The following KCNIP1 variants were observed in gnomAD, a reference collection of about 807,000 sequenced individuals.
KCNIP1 encodes A-type potassium channel modulatory protein KCNIP1.
In KCNIP1, 18 loss-of-function variants were observed where a neutral mutation model predicts 33.0. The observed-to-expected ratio is 0.55, with a 90% CI of 0.38 to 0.81. The LOEUF (loss-of-function observed/expected upper bound fraction) is 0.81. Ranked by LOEUF, KCNIP1 falls within the 30% of genes least tolerant of loss-of-function variation. The probability of loss-of-function intolerance (pLI) is 0.00; values close to 1 mark genes in which losing one functional copy is unlikely to be tolerated. For synonymous variants in KCNIP1, 93 were observed against 98.3 expected (o/e 0.95, Z 0.32); for missense variants, 238 against 271.6 (o/e 0.88, Z 0.87).
At chr5:170,474,054 T>C (rs1473428606) in intron 1 of KCNIP1, among the ~76,000 whole-genome samples, 1 of 152,228 alleles carries the variant, frequency 6.6e-6, no homozygotes, top group Non-Finnish European at 1.5e-5. Flanking sequence ...TTTTTCAAGC[T>C]AGTTATTATG....
At chr5:170,590,635 G>A (rs1413975346) in intron 1 of KCNIP1, among the ~76,000 whole-genome samples, 1 of 152,166 alleles carries the variant, frequency 6.6e-6, no homozygotes, top group African/African-American at 2.4e-5. Context: ...CCACCTAACT[G>A]GGGAGGATTA....
chr5:170,616,605 G>C (rs984155921), intron 1 of KCNIP1, among the ~76,000 whole-genome samples: 20 of 152,146 alleles, frequency 1.3e-4, no homozygotes, highest in African/African-American at 4.8e-4. Flanking sequence ...TCTGGCCCAA[G>C]TTTCCTTCTG....
intron 1 of KCNIP1, among the ~76,000 whole-genome samples, chr5:170,390,536 A>ATTTTTTT (rs1489609535): frequency 1.5e-5 from 2 of 136,354 alleles, no homozygotes; most frequent in African/African-American, 5.8e-5. Flanking sequence ...ATATATATAT[A>ATTTTTTT]TATTTTCAAC....
At chr5:170,691,802 C>T (rs1391686911) in intron 1 of KCNIP1, among the ~76,000 whole-genome samples, 1 of 152,154 alleles carries the variant, frequency 6.6e-6, no homozygotes, top group African/African-American at 2.4e-5. Flanking sequence ...GCTCCCAACA[C>T]TTCCCTCCAG....
rs1471920983 is a variant in KCNIP1, at chr5:170,504,643, C to A, written c.61+10C>A. On this transcript the variant is annotated intron_variant, in intron 1 of 7. Transcript: ENST00000328939. This position sits in a 1 kb window ranked among gnomAD's most constrained non-coding sequence, Gnocchi z 6.0. ...AGGCGACCCTCGAAAGGTAAGCCAC[C>A]TTCTTCCTTTTGTTCCCCTGTCTGG... The A allele has an allele frequency of 1.2e-6, 2 of 1,610,692 alleles. No individual in the cohort carries two copies. Among genetic ancestry groups the A allele is most frequent in the South Asian group, 2.2e-5 (2 of 91,018 alleles).
chr5:170,709,936 C>T (rs979031734), intron 1 of KCNIP1, among the ~76,000 whole-genome samples: 6 of 151,974 alleles, frequency 3.9e-5, no homozygotes, highest in South Asian at 2.1e-4. Flanking sequence ...AGCACAATCT[C>T]GGCTCACTGC....
At chr5:170,635,264 A>G (rs970674128) in intron 1 of KCNIP1, among the ~76,000 whole-genome samples, 5 of 152,156 alleles carry the variant, frequency 3.3e-5, no homozygotes, top group African/African-American at 1.2e-4. Context: ...ACCTGACCTC[A>G]AGTGATCTGC....
At chr5:170,383,751 C>T (rs756450450) in intron 1 of KCNIP1, 3 of 1,614,042 alleles carry the variant, frequency 1.9e-6, no homozygotes, top group African/African-American at 1.3e-5. Context: ...ACACGTTGAC[C>T]CACAGGCATG....
intron 1 of KCNIP1, among the ~76,000 whole-genome samples, chr5:170,441,951 CAAAAAA>C (rs34610945): frequency 6.9e-5 from 5 of 72,226 alleles, no homozygotes; most frequent in Non-Finnish European, 1.0e-4. Context: ...GACTCCATCT[CAAAAAA>C]AAAAAAAAAA....
At chr5:170,557,973 T>G (rs1716178737) in intron 1 of KCNIP1, among the ~76,000 whole-genome samples, 1 of 152,224 alleles carries the variant, frequency 6.6e-6, no homozygotes, top group Non-Finnish European at 1.5e-5. Flanking sequence ...TGGTGGCACT[T>G]ATTTCCATAT....
At chr5:170,561,369 G>T (rs1035146893) in intron 1 of KCNIP1, among the ~76,000 whole-genome samples, 1 of 152,176 alleles carries the variant, frequency 6.6e-6, no homozygotes, top group Non-Finnish European at 1.5e-5. Context: ...GTCCAAAGAG[G>T]CTAAAGTGGC....
At chr5:170,528,532 C>G (rs1409752458) in intron 1 of KCNIP1, among the ~76,000 whole-genome samples, 1 of 152,220 alleles carries the variant, frequency 6.6e-6, no homozygotes, top group African/African-American at 2.4e-5. Context: ...TTAGTTCATC[C>G]TCCTGAGGGA....
chr5:170,548,151 T>G (rs1756484550), intron 1 of KCNIP1, among the ~76,000 whole-genome samples: 1 of 152,250 alleles, frequency 6.6e-6, no homozygotes, highest in Non-Finnish European at 1.5e-5. Flanking sequence ...CATTTCTAGA[T>G]GCTCTATATG....
intron 1 of KCNIP1, among the ~76,000 whole-genome samples, chr5:170,394,447 TTTG>T (rs1273909632): frequency 6.6e-6 from 1 of 152,116 alleles, no homozygotes; most frequent in Admixed American, 6.5e-5. Flanking sequence ...ATCTTGCGGT[TTTG>T]TTGTCATCGT....
intron 1 of KCNIP1, among the ~76,000 whole-genome samples, chr5:170,671,361 C>A (rs779605630): frequency 1.6e-4 from 25 of 152,156 alleles, no homozygotes; most frequent in Non-Finnish European, 3.1e-4. Context: ...CCCCCACAGC[C>A]CTCAGAACCT....
intron 1 of KCNIP1, chr5:170,376,787 T>G (rs995071858): frequency 2.6e-5 from 4 of 152,066 alleles, no homozygotes; most frequent in African/African-American, 9.7e-5. Context: ...AATACCTGGG[T>G]GATGAAATAA....
intron 5 of KCNIP1, among the ~76,000 whole-genome samples, chr5:170,731,186 T>A (rs943554867): frequency 1.3e-5 from 2 of 152,196 alleles, no homozygotes; most frequent in African/African-American, 4.8e-5. Context: ...AATCAAGTGA[T>A]CAAGGTTAAC....
chr5:170,654,060 T>G (rs1246124971), intron 1 of KCNIP1, among the ~76,000 whole-genome samples: 1 of 152,132 alleles, frequency 6.6e-6, no homozygotes, highest in African/African-American at 2.4e-5. Flanking sequence ...AGTGCCCAAG[T>G]CTGTCACTCC....
chr5:170,632,901 C>T (rs1184778177), intron 1 of KCNIP1, among the ~76,000 whole-genome samples: 7 of 152,242 alleles, frequency 4.6e-5, no homozygotes, highest in Non-Finnish European at 8.8e-5. Flanking sequence ...AGCACGCACC[C>T]AGCAGGCAGC....
Sources: allele counts gnomAD v4.1 joint callset (sites outside exome capture counted in the v4.1 genomes callset), GRCh38; gene constraint gnomAD v4.1.1; non-coding constraint Gnocchi (gnomAD v3.1); transcripts MANE v1.5; gene names NCBI Gene and HGNC (gene_info 2026-07-23, HGNC 2026-07-21).